Variants in C10orf67 observed in about 807,000 individuals in gnomAD.
The protein encoded by C10orf67 is chromosome 10 open reading frame 67.
C10orf67 carries 60 observed loss-of-function variants against 35.6 expected under a neutral mutation model. The ratio of observed to expected loss-of-function variants is 1.68; its 90% CI spans 1.37 to 2.09. The LOEUF (loss-of-function observed/expected upper bound fraction) is 2.09, where lower values mean the gene tolerates loss of function less well. C10orf67 is among the 30% of genes most tolerant of loss of function. C10orf67 has a pLI of 0.00. For missense variants in C10orf67, 474 were observed against 330.2 expected (o/e 1.44, Z -3.38); for synonymous variants, 167 against 115.8 (o/e 1.44, Z -2.84).
In C10orf67 at chr10:23,279,888, T is replaced by C. The variant is rs1461248832; in HGVS notation, c.975+2125A>G. On this transcript the variant is annotated intron_variant, in intron 8 of 15. Coordinates refer to ENST00000636213, the MANE Select transcript of C10orf67 (RefSeq NM_001371909.1). ...TTTAAATAGACAGTGTCTTGCTCTG[T>C]CGCCCGGGCTGAAAAGCAGTGGTAC... is the stretch of plus-strand genomic sequence containing the variant. 8.5e-5 allele frequency among the ~76,000 whole-genome samples: 13 copies of C among 152,182 alleles called. No homozygotes were observed. In the East Asian group the frequency reaches 2.5e-3, roughly 29 times the overall value.
intron 10 of C10orf67, among the ~76,000 whole-genome samples, chr10:23,262,285 C>T (rs1842769477): frequency 6.8e-6 from 1 of 147,260 alleles, no homozygotes; most frequent in African/African-American, 2.5e-5. Context: ...GCCTTGACTC[C>T]CACTGGGAAC....
At chr10:23,304,744 C>T (rs1453757988) in intron 4 of C10orf67, among the ~76,000 whole-genome samples, 1 of 152,166 alleles carries the variant, frequency 6.6e-6, no homozygotes, top group Non-Finnish European at 1.5e-5. Flanking sequence ...AGCAGGAACA[C>T]TACAAGGGAC....
At position 23,325,099 on chromosome 10, in the gene C10orf67, G is replaced by T. The variant is rs369054424; in HGVS notation, c.328-2562C>A. On this transcript the variant is annotated intron_variant, in intron 2 of 15. Coordinates refer to ENST00000636213, the MANE Select transcript of C10orf67 (RefSeq NM_001371909.1). ...TGCCTGTAATCCCAGCACTTTGGGA[G>T]GCCAAGGAGGAAGGATCACTTGAGG... Among the ~76,000 whole-genome samples the T allele has an allele frequency of 5.0e-4, 76 of 152,286 alleles. 1 individual carries two copies. The South Asian group carries it at 0.015, about 30-fold the overall frequency.
At chr10:23,243,538 T>C (rs1842238159) in intron 12 of C10orf67, among the ~76,000 whole-genome samples, 1 of 150,748 alleles carries the variant, frequency 6.6e-6, no homozygotes, top group Non-Finnish European at 1.5e-5. Context: ...AGAAAAAAAA[T>C]TAGCCAGGCA....
intron 8 of C10orf67, among the ~76,000 whole-genome samples, chr10:23,270,642 G>A (rs1406547893): frequency 6.6e-6 from 1 of 152,196 alleles, no homozygotes; most frequent in Non-Finnish European, 1.5e-5. Context: ...TGGAATTCCA[G>A]ACAGACAGCA....
chr10:23,330,658 T>A (rs1190773005), intron 2 of C10orf67, among the ~76,000 whole-genome samples: 1 of 150,448 alleles, frequency 6.6e-6, no homozygotes, highest in Non-Finnish European at 1.5e-5. Context: ...GTGAATGGCG[T>A]GAACCTGAGA....
At chr10:23,230,802 G>A (rs1256721836) in intron 13 of C10orf67, among the ~76,000 whole-genome samples, 1 of 152,130 alleles carries the variant, frequency 6.6e-6, no homozygotes. Flanking sequence ...ATAACAGGTT[G>A]GCAAAAATGA....
chr10:23,333,977 T>A (rs1048738668), intron 1 of C10orf67, among the ~76,000 whole-genome samples: 2 of 152,130 alleles, frequency 1.3e-5, no homozygotes, highest in Admixed American at 1.3e-4. Flanking sequence ...AAAAATAAAA[T>A]AAAATAAATA....
Position 23,333,395 on chromosome 10 carries a change from G to A in C10orf67, c.207-213C>T, listed in dbSNP as rs551429686. On this transcript the variant is annotated intron_variant, in intron 1 of 15. Transcript: ENST00000636213. ...CTGGACTGAGGCATATTGCTCTATGGTTAGTCATCTGATTTCCACTTTTCT... is the reference window on the plus strand; with the variant it reads ...CTGGACTGAGGCATATTGCTCTATGATTAGTCATCTGATTTCCACTTTTCT... Among the ~76,000 whole-genome samples the A allele has an allele frequency of 3.8e-4, 58 of 152,236 alleles. 1 individual carries two copies. Among genetic ancestry groups the A allele is most frequent in the Admixed American group, 3.5e-3 (53 of 15,290 alleles).
rs1841305407 is a variant in C10orf67 at position 23,211,481 on chromosome 10, G to GTT, written c.1571-7227_1571-7226insAA. Among the ~76,000 whole-genome samples the GTT allele has an allele frequency of 9.5e-5, 7 of 74,044 alleles. No individual in the cohort carries two copies. In the South Asian group the frequency reaches 2.3e-3, roughly 24 times the overall value. 48.6% of individuals were successfully genotyped at this position (74,044 alleles called of 152,430 possible). A position where few individuals can be genotyped will look rare whatever the true frequency, so the allele number is the denominator to read the frequency against. ...GGTGTGTGTGTGTGTGTGTGTGTGGGGGGGGGGGGTATCACAATTCAACCC... is the reference window on the plus strand; with the variant it reads ...GGTGTGTGTGTGTGTGTGTGTGTGGGTTGGGGGGGGGTATCACAATTCAACCC... On this transcript the variant is annotated intron_variant, in intron 15 of 15. Coordinates refer to ENST00000636213, the MANE Select transcript of C10orf67 (RefSeq NM_001371909.1).
At chr10:23,326,095 A>G (rs1355371198) in intron 2 of C10orf67, among the ~76,000 whole-genome samples, 2 of 152,182 alleles carry the variant, frequency 1.3e-5, no homozygotes, top group Non-Finnish European at 1.5e-5. Context: ...TGGAGAGGAT[A>G]GAAAAAGTGG....
chr10:23,213,761 T>G (rs948626032), intron 15 of C10orf67, among the ~76,000 whole-genome samples: 1 of 151,676 alleles, frequency 6.6e-6, no homozygotes, highest in Non-Finnish European at 1.5e-5. Context: ...ATACAGAAAA[T>G]GTTATCAACC....
chr10:23,223,791 T>G lies in C10orf67; in HGVS notation c.1462A>C (p.Arg488=). Residue 488 remains arginine, a synonymous_variant, in exon 14 of 16, where the codon AGA becomes CGA. Coordinates refer to ENST00000636213, the MANE Select transcript of C10orf67 (RefSeq NM_001371909.1). The part of the protein sequence containing the change: ...IKVKPLLVQS[R]TTMTAISSSS... Reference sequence around the variant, plus strand: ...GAGGATATAGCTGTCATGGTCGTTCTAGACTGCACTAATAAGGGTTTTACT... The same window carrying G: ...GAGGATATAGCTGTCATGGTCGTTCGAGACTGCACTAATAAGGGTTTTACT... 1.4e-6 allele frequency: 1 copy of G among 715,386 alleles called. No individual in the cohort carries two copies. Among genetic ancestry groups the G allele is most frequent in the South Asian group, 1.5e-5 (1 of 67,516 alleles). 44.3% of individuals were successfully genotyped at this position (715,386 alleles called of 1,614,324 possible). A position where few individuals can be genotyped will look rare whatever the true frequency, so the allele number is the denominator to read the frequency against.
intron 4 of C10orf67, among the ~76,000 whole-genome samples, chr10:23,307,301 A>T (rs1016196135): frequency 3.9e-5 from 6 of 152,204 alleles, no homozygotes; most frequent in Non-Finnish European, 8.8e-5. Flanking sequence ...GTTTGTTACT[A>T]ATATATTTGG....
chr10:23,240,974 C>T (rs532236762), intron 12 of C10orf67, among the ~76,000 whole-genome samples: 3 of 152,160 alleles, frequency 2.0e-5, no homozygotes, highest in Non-Finnish European at 4.4e-5. Flanking sequence ...GGGCAGGAAA[C>T]AGATTGATAA....
chr10:23,272,031 C>T (rs1289491803), intron 8 of C10orf67, among the ~76,000 whole-genome samples: 1 of 152,126 alleles, frequency 6.6e-6, no homozygotes, highest in Non-Finnish European at 1.5e-5. Context: ...ATCCACCCAC[C>T]TCAGCCTCTG....
chr10:23,267,093 G>C, intron 9 of C10orf67, 102 bp downstream of exon 9: 1 of 608,416 alleles, frequency 1.6e-6, no homozygotes, highest in South Asian at 2.1e-5. Flanking sequence ...GTTGGAAAGT[G>C]AAAAACCTCA....
intron 15 of C10orf67, among the ~76,000 whole-genome samples, chr10:23,220,790 T>C (rs7084042): frequency 0.39 from 60,061 of 152,054 alleles, 15,083 homozygotes; most frequent in East Asian, 0.74. Context: ...TAGAATATTA[T>C]GTATATCCAC....
intron 5 of C10orf67, among the ~76,000 whole-genome samples, chr10:23,296,719 T>A (rs1843890565): frequency 6.6e-6 from 1 of 152,168 alleles, no homozygotes; most frequent in African/African-American, 2.4e-5. Flanking sequence ...TAGATCTTAG[T>A]CACAGACTGC....
Sources: allele counts gnomAD v4.1 joint callset (sites outside exome capture counted in the v4.1 genomes callset), GRCh38; gene constraint gnomAD v4.1.1; transcripts MANE v1.5; gene names NCBI Gene and HGNC (gene_info 2026-07-23, HGNC 2026-07-21).